The following SAMMSON variants were observed in gnomAD, a reference collection of about 807,000 sequenced individuals.
The protein encoded by SAMMSON is survival associated mitochondrial melanoma specific oncogenic non-coding RNA.
chr3:70,311,817 A>C (rs1020071146), intron 7 of SAMMSON: 3 of 395,304 alleles, frequency 7.6e-6, no homozygotes, highest in Non-Finnish European at 8.9e-6. Context: ...CTTCTCCCAC[A>C]CTATTCCTTG....
chr3:70,346,311 GTT>G (rs3050213), intron 7 of SAMMSON, among the ~76,000 whole-genome samples: 17 of 140,764 alleles, frequency 1.2e-4, no homozygotes, highest in African/African-American at 2.9e-4. Flanking sequence ...TTTGCTCATT[GTT>G]TTTTTTTTTT....
chr3:70,311,851 C>T, intron 7 of SAMMSON: 2 of 397,164 alleles, frequency 5.0e-6, no homozygotes, highest in South Asian at 2.6e-4. Flanking sequence ...GCAAAATTTT[C>T]ACACCAATAG....
chr3:70,336,785 T>C (rs989087363), intron 7 of SAMMSON, among the ~76,000 whole-genome samples: 11 of 150,706 alleles, frequency 7.3e-5, no homozygotes, highest in African/African-American at 2.4e-4. Flanking sequence ...CTTTCCTTTT[T>C]GTTAGAAGAG....
At chr3:70,319,836 T>TA (rs1364179002) in intron 7 of SAMMSON, among the ~76,000 whole-genome samples, 4 of 152,004 alleles carry the variant, frequency 2.6e-5, no homozygotes, top group African/African-American at 7.2e-5. Flanking sequence ...GATGTTTATT[T>TA]AAAAAAAGAT....
intron 6 of SAMMSON, among the ~76,000 whole-genome samples, chr3:70,251,957 A>G (rs1701773384): frequency 6.6e-6 from 1 of 152,206 alleles, no homozygotes; most frequent in African/African-American, 2.4e-5. Context: ...TGCCAATTTT[A>G]CTTCCTTAAC....
chr3:70,007,406 G>C (rs921660849), intron 1 of SAMMSON, among the ~76,000 whole-genome samples: 4 of 152,268 alleles, frequency 2.6e-5, no homozygotes, highest in African/African-American at 9.6e-5. Context: ...CAGTGATGAT[G>C]AGCATTTTTT....
At chr3:70,187,497 G>A (rs1003887426) in intron 4 of SAMMSON, among the ~76,000 whole-genome samples, 1 of 142,574 alleles carries the variant, frequency 7.0e-6, no homozygotes, top group Admixed American at 7.2e-5. Context: ...GAGTGCAGTG[G>A]CGCGATCTCG....
chr3:70,024,222 T>C lies in SAMMSON; in HGVS notation n.417+10550T>C, dbSNP rs9858135. 6.4e-3 allele frequency among the ~76,000 whole-genome samples: 974 copies of C among 152,280 alleles called. 9 individuals carry two copies. The highest frequency in any genetic ancestry group is 0.022 in the African/African-American group (920 of 41,546). ...GAGCGGTACAAGTCTAGACATATAGTGGAAATGGAACCATTGCATGCTTTT... is the reference window on the plus strand; with the variant it reads ...GAGCGGTACAAGTCTAGACATATAGCGGAAATGGAACCATTGCATGCTTTT... On this transcript the variant is annotated intron_variant and non_coding_transcript_variant, in intron 3 of 9. Coordinates refer to ENST00000642114, the Ensembl canonical transcript of SAMMSON.
At chr3:70,412,855 G>A (rs748424206) in intron 2 of SAMMSON, among the ~76,000 whole-genome samples, 6 of 151,990 alleles carry the variant, frequency 3.9e-5, no homozygotes, top group East Asian at 1.9e-4. Context: ...GTCTGTCAGC[G>A]ATTACAATAA....
intron 3 of SAMMSON, among the ~76,000 whole-genome samples, chr3:70,018,291 T>C (rs544139649): frequency 6.6e-6 from 1 of 152,228 alleles, no homozygotes; most frequent in Non-Finnish European, 1.5e-5. Context: ...GAGATTCAGC[T>C]TCTTCCTGGT....
At chr3:70,195,943 C>T (rs1701173879) in intron 4 of SAMMSON, among the ~76,000 whole-genome samples, 1 of 152,100 alleles carries the variant, frequency 6.6e-6, no homozygotes, top group African/African-American at 2.4e-5. Flanking sequence ...AATTATTGAT[C>T]ACTTTAATTA....
At chr3:70,170,254 GT>G (rs895894174) in intron 4 of SAMMSON, among the ~76,000 whole-genome samples, 10 of 150,074 alleles carry the variant, frequency 6.7e-5, no homozygotes, top group East Asian at 2.0e-4. Flanking sequence ...TGTAGGAAAG[GT>G]TTTTTTTTCA....
At chr3:70,374,684 T>A (rs1433204747) in intron 9 of SAMMSON, among the ~76,000 whole-genome samples, 2 of 152,158 alleles carry the variant, frequency 1.3e-5, no homozygotes. Context: ...ATGAAAGTCC[T>A]GGCTCCCTTC....
intron 7 of SAMMSON, among the ~76,000 whole-genome samples, chr3:70,351,451 T>C (rs1406048589): frequency 1.3e-5 from 2 of 152,114 alleles, no homozygotes; most frequent in Non-Finnish European, 2.9e-5. Context: ...AGAATAGTTC[T>C]ATTTCCAGGA....
chr3:70,212,808 G>A (rs908539125), intron 4 of SAMMSON, among the ~76,000 whole-genome samples: 4 of 151,284 alleles, frequency 2.6e-5, no homozygotes, highest in South Asian at 4.2e-4. Flanking sequence ...CTTTTTTTGA[G>A]ACAGGGTCTC....
intron 6 of SAMMSON, among the ~76,000 whole-genome samples, chr3:70,263,617 C>T (rs1379168417): frequency 6.6e-6 from 1 of 152,186 alleles, no homozygotes; most frequent in Non-Finnish European, 1.5e-5. Context: ...TTTCACTTCA[C>T]ACATGTAGAT....
chr3:70,104,264 TG>T (rs139313460), intron 4 of SAMMSON, among the ~76,000 whole-genome samples: 2,874 of 151,018 alleles, frequency 0.019, 88 homozygotes, highest in African/African-American at 0.065. Flanking sequence ...CAAAACCTCG[TG>T]TTTTTTTTTT....
intron 4 of SAMMSON, among the ~76,000 whole-genome samples, chr3:70,189,115 A>G (rs1303404495): frequency 6.6e-6 from 1 of 152,196 alleles, no homozygotes; most frequent in Non-Finnish European, 1.5e-5. Context: ...TTTAAACTCA[A>G]GGATGACCTC....
At chr3:70,174,167 A>T (rs917539978) in intron 4 of SAMMSON, among the ~76,000 whole-genome samples, 2 of 151,982 alleles carry the variant, frequency 1.3e-5, no homozygotes, top group Admixed American at 1.3e-4. Context: ...GGATAATTAC[A>T]TTGATTTGTA....
Sources: gnomAD v4.1 joint callset for allele counts (sites outside exome capture counted in the v4.1 genomes callset) on GRCh38, gnomAD v4.1.1 for gene constraint, MANE v1.5 for transcripts, NCBI Gene and HGNC (gene_info 2026-07-23, HGNC 2026-07-21) for gene names.